The following RPGRIP1 variants were observed in gnomAD, a reference collection of about 807,000 sequenced individuals.
The protein encoded by RPGRIP1 is RPGR interacting protein 1, also known as X-linked retinitis pigmentosa GTPase regulator-interacting protein 1.
Under a neutral mutation model 157.9 loss-of-function variants are expected in RPGRIP1, and 128 were observed. The observed-to-expected ratio is 0.81, with a 90% CI of 0.70 to 0.94. The LOEUF (loss-of-function observed/expected upper bound fraction) is 0.94. RPGRIP1 is among the 40% of genes least tolerant of loss of function. The pLI, the probability that RPGRIP1 is intolerant of heterozygous loss-of-function variation, is 0.00. For synonymous variants in RPGRIP1, 554 were observed against 571.6 expected (o/e 0.97, Z 0.44); for missense variants, 1,486 against 1,545.8 (o/e 0.96, Z 0.65).
At chr14:21,304,530 C>T (rs1190500587) in intron 6 of RPGRIP1, among the ~76,000 whole-genome samples, 1 of 152,084 alleles carries the variant, frequency 6.6e-6, no homozygotes, top group Non-Finnish European at 1.5e-5. Flanking sequence ...TCCTCATCAC[C>T]AGATAGGGAT....
intron 1 of RPGRIP1, among the ~76,000 whole-genome samples, chr14:21,283,228 A>G (rs1880193439): frequency 6.6e-6 from 1 of 152,172 alleles, no homozygotes; most frequent in East Asian, 1.9e-4. Flanking sequence ...TTTCCTTCAC[A>G]TTACTTTTCT....
At chr14:21,280,783 T>C (rs1880098061) in intron 1 of RPGRIP1, among the ~76,000 whole-genome samples, 1 of 152,052 alleles carries the variant, frequency 6.6e-6, no homozygotes, top group Admixed American at 6.6e-5. Flanking sequence ...TTAACACTGT[T>C]CTCTCCCCAA....
chr14:21,323,218 T>C (rs1882693344), intron 14 of RPGRIP1, among the ~76,000 whole-genome samples: 1 of 151,980 alleles, frequency 6.6e-6, no homozygotes, highest in Non-Finnish European at 1.5e-5. Context: ...GGTCAGGAGT[T>C]CGAGACCAGC....
intron 7 of RPGRIP1, among the ~76,000 whole-genome samples, chr14:21,308,715 A>C (rs987053724): frequency 1.3e-5 from 2 of 152,166 alleles, no homozygotes; most frequent in African/African-American, 4.8e-5. Flanking sequence ...GCTCCCCTGT[A>C]CTGAGACAGA....
intron 12 of RPGRIP1, among the ~76,000 whole-genome samples, chr14:21,320,595 CTT>C (rs34911429): frequency 1.2e-4 from 11 of 95,182 alleles, no homozygotes; most frequent in African/African-American, 3.7e-4. Context: ...CCGGCCCACT[CTT>C]TTTTTTTTTT....
chr14:21,302,516 C>T lies in RPGRIP1; in HGVS notation c.519C>T (p.Ala173=). The T allele has an allele frequency of 1.9e-6, 3 of 1,585,138 alleles. No individual in the cohort carries two copies. The highest frequency in any genetic ancestry group is 2.3e-5 in the East Asian group (1 of 44,258). The part of the protein sequence containing the change: ...RGPRDRLSYT[A]PPSFKEHATN... ...CAAGGGACAGGCTGAGCTACACAGCCCCTCCATCGTTTAAGGAGCATGCGA... is the reference window on the plus strand; with the variant it reads ...CAAGGGACAGGCTGAGCTACACAGCTCCTCCATCGTTTAAGGAGCATGCGA... The change falls in exon 5 of 25, where the codon GCC becomes GCT. Residue 173 remains alanine, a synonymous_variant. Coordinates refer to ENST00000400017, the MANE Select transcript of RPGRIP1 (RefSeq NM_020366.4).
At chr14:21,301,679 A>ATAG (rs1881035937) in intron 4 of RPGRIP1, among the ~76,000 whole-genome samples, 1 of 97,664 alleles carries the variant, frequency 1.0e-5, no homozygotes, top group South Asian at 3.5e-4. Context: ...CTGTCTCAAA[A>ATAG]TAATAATAAT....
chr14:21,318,138 C>T (rs1480010832), intron 11 of RPGRIP1: 2 of 547,658 alleles, frequency 3.7e-6, no homozygotes, highest in Non-Finnish European at 6.9e-6. Flanking sequence ...TGGAGTTTCG[C>T]TCTTGTTGCT....
In RPGRIP1 at chr14:21,317,811, G is replaced by A. The variant is rs1468265707; in HGVS notation, c.1267G>A (p.Asp423Asn). Residue 423 changes from aspartate to asparagine, a missense_variant, in exon 11 of 25, where the codon GAC becomes AAC. Coordinates refer to ENST00000400017, the MANE Select transcript of RPGRIP1 (RefSeq NM_020366.4). ...LQDQLDAELE[D>N]KRKVLLELSR... is the part of the protein sequence containing the mutation. ...GGATCAGCTGGATGCTGAGCTGGAG[G>A]ACAAGAGAAAAGTTTTACTTGAGCT... 1.2e-6 allele frequency: 2 copies of A among 1,606,094 alleles called. No homozygotes were observed. The highest frequency in any genetic ancestry group is 2.7e-5 in the African/African-American group (2 of 74,828).
chr14:21,324,277 T>C (rs1292566693), intron 14 of RPGRIP1: 2 of 363,718 alleles, frequency 5.5e-6, no homozygotes, highest in Non-Finnish European at 1.0e-5. Flanking sequence ...CTAGTACTTC[T>C]CTTATGGAAT....
At chr14:21,289,766 G>T (rs145015003) in intron 2 of RPGRIP1, among the ~76,000 whole-genome samples, 6 of 152,090 alleles carry the variant, frequency 3.9e-5, no homozygotes, top group African/African-American at 9.7e-5. Flanking sequence ...ACCTTGGGAG[G>T]CCGAGGCAGG....
chr14:21,303,789 C>G (rs1416419655), intron 6 of RPGRIP1, among the ~76,000 whole-genome samples: 1 of 151,526 alleles, frequency 6.6e-6, no homozygotes, highest in African/African-American at 2.4e-5. Context: ...GAGTTCGAGA[C>G]CAGCCTCGCC....
In RPGRIP1 at chr14:21,339,004, C is replaced by T. The variant is rs571343323; in HGVS notation, c.3340-4032C>T. ...TACAAAAATTAGCCGGGCGTGATGA[C>T]GGGTGCCTGTAATCCCAGCTACTCA... On this transcript the variant is annotated intron_variant, in intron 21 of 24. Transcript: ENST00000400017. Among the ~76,000 whole-genome samples the T allele has an allele frequency of 3.9e-5, 6 of 151,976 alleles. No homozygotes were observed. The South Asian group carries it at 6.2e-4, about 16-fold the overall frequency.
chr14:21,286,314 C>A (rs1203866128), intron 1 of RPGRIP1, among the ~76,000 whole-genome samples: 1 of 151,924 alleles, frequency 6.6e-6, no homozygotes, highest in Non-Finnish European at 1.5e-5. Context: ...AAGGAAGAAC[C>A]TGGAGAACAT....
rs150730657 is a variant in RPGRIP1 at position 21,331,414 on chromosome 14, G to C, written c.3238+1027G>C. ...GCATCTGCCTGTAGTCCCAGCTACT[G>C]GGGAGGCTGAGGCAGGAGAATTGCT... On this transcript the variant is annotated intron_variant, in intron 20 of 24. Transcript: ENST00000400017. 5.7e-3 allele frequency among the ~76,000 whole-genome samples: 866 copies of C among 152,006 alleles called. 9 individuals are homozygous for C. Among genetic ancestry groups the C allele is most frequent in the African/African-American group, 0.02 (832 of 41,472 alleles).
chr14:21,345,398 A>G (rs1162250282), intron 23 of RPGRIP1, among the ~76,000 whole-genome samples: 3 of 151,682 alleles, frequency 2.0e-5, no homozygotes, highest in East Asian at 3.9e-4. Context: ...TTATTTATTT[A>G]TTTATTTATT....
At chr14:21,294,296 T>C (rs913726095) in intron 2 of RPGRIP1, among the ~76,000 whole-genome samples, 1 of 151,344 alleles carries the variant, frequency 6.6e-6, no homozygotes, top group African/African-American at 2.4e-5. Flanking sequence ...AGTGGCACGA[T>C]CTCGGCTCAT....
intron 10 of RPGRIP1, among the ~76,000 whole-genome samples, chr14:21,313,826 A>G (rs1029801857): frequency 4.6e-5 from 7 of 151,884 alleles, no homozygotes; most frequent in Non-Finnish European, 1.0e-4. Flanking sequence ...AGAAAAAGCA[A>G]GCTGAAAATG....
intron 8 of RPGRIP1, chr14:21,310,885 G>A: frequency 1.6e-6 from 1 of 641,332 alleles, no homozygotes; most frequent in African/African-American, 1.8e-5. Context: ...TATAGCATTT[G>A]CTCAAAACTT....
Sources: allele counts gnomAD v4.1 joint callset (sites outside exome capture counted in the v4.1 genomes callset), GRCh38; gene constraint gnomAD v4.1.1; transcripts MANE v1.5; gene names NCBI Gene and HGNC (gene_info 2026-07-23, HGNC 2026-07-21).